TENM3: variants seen among roughly 807,000 people sequenced by gnomAD.
TENM3 encodes teneurin transmembrane protein 3.
A neutral mutation model predicts 255.1 loss-of-function variants in TENM3; 63 were observed. The observed-to-expected ratio is 0.25, with a 90% CI of 0.20 to 0.30. TENM3 has a LOEUF of 0.30. TENM3 is among the 10% of genes least tolerant of loss of function. The pLI is 1.00. For synonymous variants in TENM3, 1,306 were observed against 1,322.3 expected, an observed-to-expected ratio of 0.99 and a Z score of 0.27; for missense variants, 2,929 against 3,461.1, an observed-to-expected ratio of 0.85 and a Z score of 3.86.
At chr4:182,648,333 G>A (rs1422687881) in intron 5 of TENM3, among the ~76,000 whole-genome samples, 2 of 151,534 alleles carry the variant, frequency 1.3e-5, no homozygotes, top group Non-Finnish European at 2.9e-5. Flanking sequence ...ACCCAGGCTG[G>A]AGTGCAGTGG....
the TENM3 span, among the ~76,000 whole-genome samples, chr4:181,967,394 C>T: frequency 2.6e-5 from 4 of 152,212 alleles, 1 homozygote; most frequent in South Asian, 4.1e-4. Flanking sequence ...TAAAAGAGCA[C>T]GTAGCAAGTA....
chr4:182,548,152 G>T (rs1224412307), intron 3 of TENM3, among the ~76,000 whole-genome samples: 1 of 152,084 alleles, frequency 6.6e-6, no homozygotes, highest in Non-Finnish European at 1.5e-5. Flanking sequence ...GTGAGCCCAG[G>T]AGGTGGAGGG....
In TENM3 at chr4:182,697,582, GC is replaced by G. The variant is rs148938371; in HGVS notation, c.2221+9236del. Among the ~76,000 whole-genome samples, 874 of 152,264 alleles carry G rather than the reference GC, an allele frequency of 5.7e-3. 7 individuals are homozygous for G. Among genetic ancestry groups the G allele is most frequent in the African/African-American group, 0.02 (822 of 41,548 alleles). On this transcript the variant is annotated intron_variant, in intron 12 of 27. Transcript: ENST00000511685. ...GAGATCCCTGAGAGAGTCATGGAAA[GC>G]CCCCTTCAGAACTCGGGAGTATCAC...
the TENM3 span, among the ~76,000 whole-genome samples, chr4:181,584,017 T>C: frequency 6.6e-6 from 1 of 152,214 alleles, no homozygotes; most frequent in Non-Finnish European, 1.5e-5. Context: ...TTCCCAATCT[T>C]CTAAGCTTCT....
the TENM3 span, among the ~76,000 whole-genome samples, chr4:181,577,382 AG>A: frequency 6.6e-6 from 1 of 151,090 alleles, no homozygotes; most frequent in African/African-American, 2.4e-5. Context: ...TTGTCCTTGG[AG>A]TTCTGAAATT....
At chr4:181,468,767 TGTAA>T in the TENM3 span, among the ~76,000 whole-genome samples, 2 of 152,218 alleles carry the variant, frequency 1.3e-5, no homozygotes, top group African/African-American at 4.8e-5. Context: ...TTCAGCTTTT[TGTAA>T]GTGTTTTATT....
chr4:181,794,964 C>A, the TENM3 span, among the ~76,000 whole-genome samples: 2 of 152,264 alleles, frequency 1.3e-5, no homozygotes, highest in African/African-American at 4.8e-5. Context: ...ATTCACCTAC[C>A]AGTTTGCAAG....
intron 1 of TENM3, among the ~76,000 whole-genome samples, chr4:182,190,553 G>C (rs899993850): frequency 1.3e-5 from 2 of 152,138 alleles, no homozygotes; most frequent in Admixed American, 1.3e-4. Context: ...CCAGTAATCC[G>C]TTTATAACTG....
the TENM3 span, among the ~76,000 whole-genome samples, chr4:181,903,818 A>C: frequency 1.8e-3 from 272 of 152,162 alleles, no homozygotes; most frequent in Non-Finnish European, 2.1e-3. Flanking sequence ...CATCTGACTG[A>C]TGCATCCTCA....
At chr4:182,528,123 G>A (rs1461328670) in intron 3 of TENM3, among the ~76,000 whole-genome samples, 1 of 151,930 alleles carries the variant, frequency 6.6e-6, no homozygotes, top group African/African-American at 2.4e-5. Context: ...TTAAAAGTTT[G>A]TTTTTTTATT....
At chr4:181,622,100 C>A in the TENM3 span, among the ~76,000 whole-genome samples, 2 of 152,166 alleles carry the variant, frequency 1.3e-5, no homozygotes, top group Non-Finnish European at 2.9e-5. Context: ...AGGATTAATC[C>A]TCTGTCTGAT....
chr4:182,162,696 G>GC (rs554857677), intron 1 of TENM3, among the ~76,000 whole-genome samples: 169 of 152,308 alleles, frequency 1.1e-3, no homozygotes, highest in African/African-American at 3.6e-3. Context: ...CCAGCACCTT[G>GC]CTCTGCTTCT....
chr4:181,641,554 G>GTGTGTGTATA, the TENM3 span, among the ~76,000 whole-genome samples: 1 of 26,908 alleles, frequency 3.7e-5, no homozygotes, highest in African/African-American at 1.6e-4. Flanking sequence ...TGGTGTGTGT[G>GTGTGTGTATA]TATATATATA....
At chr4:181,697,245 G>A in the TENM3 span, among the ~76,000 whole-genome samples, 1 of 152,314 alleles carries the variant, frequency 6.6e-6, no homozygotes, top group Non-Finnish European at 1.5e-5. Flanking sequence ...GGAGACCAGG[G>A]AGTTCTGTGG....
chr4:182,498,551 T>G (rs1180709367), intron 3 of TENM3, among the ~76,000 whole-genome samples: 1 of 151,966 alleles, frequency 6.6e-6, no homozygotes, highest in Non-Finnish European at 1.5e-5. Flanking sequence ...CAGATTCTAT[T>G]AAAATTTTTC....
chr4:182,033,255 T>C, the TENM3 span, among the ~76,000 whole-genome samples: 3 of 152,192 alleles, frequency 2.0e-5, no homozygotes, highest in Non-Finnish European at 2.9e-5. Context: ...TTTGTTTTCA[T>C]TGGTTTCAAA....
the TENM3 span, among the ~76,000 whole-genome samples, chr4:181,579,088 G>T: frequency 6.6e-6 from 1 of 152,072 alleles, no homozygotes; most frequent in Non-Finnish European, 1.5e-5. Context: ...CTCTGTCCTT[G>T]GCTCCCTGCA....
intron 1 of TENM3, among the ~76,000 whole-genome samples, chr4:182,175,520 C>T (rs1170713093): frequency 6.6e-6 from 1 of 151,976 alleles, no homozygotes; most frequent in Non-Finnish European, 1.5e-5. Context: ...GGAGCGTGGC[C>T]TACTTAAAAC....
chr4:181,861,798 A>G, the TENM3 span, among the ~76,000 whole-genome samples: 1 of 152,168 alleles, frequency 6.6e-6, no homozygotes, highest in Non-Finnish European at 1.5e-5. Flanking sequence ...CTTTTGACCA[A>G]CGTACCCCAG....
Sources: allele counts gnomAD v4.1 joint callset (sites outside exome capture counted in the v4.1 genomes callset), GRCh38; gene constraint gnomAD v4.1.1; transcripts MANE v1.5; gene names NCBI Gene and HGNC (gene_info 2026-07-23, HGNC 2026-07-21).